The following HMBOX1 variants were observed in gnomAD, a reference collection of about 807,000 sequenced individuals.
The protein encoded by HMBOX1 is homeobox-containing protein 1.
In HMBOX1, 14 loss-of-function variants were observed where a neutral mutation model predicts 54.5. The observed-to-expected ratio is 0.26, with a 90% CI of 0.17 to 0.40. The LOEUF (loss-of-function observed/expected upper bound fraction) is 0.40, where lower values mean the gene tolerates loss of function less well. HMBOX1 is among the 10% of genes least tolerant of loss of function. HMBOX1 has a pLI of 1.00. For synonymous variants in HMBOX1, 160 were observed against 181.0 expected, an observed-to-expected ratio of 0.88 and a Z score of 0.93; for missense variants, 332 against 514.4, an observed-to-expected ratio of 0.65 and a Z score of 3.43.
At chr8:29,016,015 A>G (rs1360835285) in intron 5 of HMBOX1, among the ~76,000 whole-genome samples, 1 of 152,272 alleles carries the variant, frequency 6.6e-6, no homozygotes, top group Non-Finnish European at 1.5e-5. Flanking sequence ...AGAAATGTTA[A>G]GTAGTTAAAT....
intron 6 of HMBOX1, among the ~76,000 whole-genome samples, chr8:29,019,421 T>A (rs1170499988): frequency 6.6e-6 from 1 of 152,130 alleles, no homozygotes; most frequent in Non-Finnish European, 1.5e-5. Flanking sequence ...GTTTTTTTTT[T>A]AACCTGAATT....
At chr8:28,978,965 G>A (rs1008194550) in intron 3 of HMBOX1, among the ~76,000 whole-genome samples, 22 of 152,250 alleles carry the variant, frequency 1.4e-4, no homozygotes, top group East Asian at 3.9e-4. Flanking sequence ...ATAATATTTT[G>A]CTTAGTATGT....
chr8:28,931,737 C>T (rs1321116537), intron 1 of HMBOX1, among the ~76,000 whole-genome samples: 2 of 152,102 alleles, frequency 1.3e-5, no homozygotes, highest in East Asian at 3.9e-4. Context: ...GATGGGACCT[C>T]CCTATGTTGC....
chr8:28,994,574 C>T (rs1401569689), intron 4 of HMBOX1, among the ~76,000 whole-genome samples: 1 of 152,058 alleles, frequency 6.6e-6, no homozygotes, highest in Non-Finnish European at 1.5e-5. Context: ...ATAGGAAAGG[C>T]TTTCCTAAGC....
intron 6 of HMBOX1, among the ~76,000 whole-genome samples, chr8:29,029,750 C>G (rs1367131674): frequency 1.3e-5 from 2 of 152,218 alleles, no homozygotes; most frequent in East Asian, 3.8e-4. Flanking sequence ...TAATTCTACT[C>G]ATTGAACTTC....
intron 6 of HMBOX1, among the ~76,000 whole-genome samples, chr8:29,020,977 C>T (rs1213015073): frequency 2.0e-5 from 3 of 152,110 alleles, no homozygotes. Flanking sequence ...GAGTTTGAGA[C>T]CAGCCTGGGC....
At chr8:28,956,336 A>C (rs1161396711) in intron 1 of HMBOX1, among the ~76,000 whole-genome samples, 1 of 151,388 alleles carries the variant, frequency 6.6e-6, no homozygotes, top group East Asian at 1.9e-4. Context: ...TTTTCTTCAT[A>C]ATAGGAAATT....
intron 2 of HMBOX1, among the ~76,000 whole-genome samples, chr8:28,969,447 G>T (rs1025677052): frequency 5.3e-5 from 8 of 151,946 alleles, no homozygotes; most frequent in Non-Finnish European, 1.0e-4. Flanking sequence ...GCTAAGTAGT[G>T]AATGAAATGG....
intron 1 of HMBOX1, among the ~76,000 whole-genome samples, chr8:28,960,084 T>G (rs181827008): frequency 2.0e-5 from 3 of 152,174 alleles, no homozygotes; most frequent in East Asian, 3.9e-4. Flanking sequence ...CATTTGGACT[T>G]ACTTATGCCT....
intron 3 of HMBOX1, among the ~76,000 whole-genome samples, chr8:28,973,846 G>A (rs527854404): frequency 4.0e-5 from 3 of 75,060 alleles, no homozygotes; most frequent in African/African-American, 5.0e-5. Context: ...AGACAGTCTC[G>A]CTCTGTCACC....
At chr8:28,920,283 A>G (rs561147008) in intron 1 of HMBOX1, among the ~76,000 whole-genome samples, 2 of 152,184 alleles carry the variant, frequency 1.3e-5, no homozygotes, top group Non-Finnish European at 2.9e-5. Flanking sequence ...TTGAGTTCCT[A>G]CTATAAACAA....
At chr8:28,932,138 A>T (rs1043933919) in intron 1 of HMBOX1, among the ~76,000 whole-genome samples, 1 of 152,234 alleles carries the variant, frequency 6.6e-6, no homozygotes, top group Non-Finnish European at 1.5e-5. Flanking sequence ...TATTTTAGGC[A>T]GAATGAACAG....
chr8:29,037,271 G>A (rs998114902), intron 6 of HMBOX1, among the ~76,000 whole-genome samples: 2 of 152,136 alleles, frequency 1.3e-5, no homozygotes, highest in South Asian at 2.1e-4. Flanking sequence ...ACCTCAGTGT[G>A]TTTGCAAAAC....
intron 6 of HMBOX1, among the ~76,000 whole-genome samples, chr8:29,041,980 A>T (rs1226885269): frequency 1.3e-5 from 2 of 152,168 alleles, no homozygotes; most frequent in Non-Finnish European, 2.9e-5. Flanking sequence ...AATGAGGTGC[A>T]CTGGCCAAAG....
At chr8:29,038,648 T>C (rs1438260666) in intron 6 of HMBOX1, among the ~76,000 whole-genome samples, 1 of 152,140 alleles carries the variant, frequency 6.6e-6, no homozygotes, top group Non-Finnish European at 1.5e-5. Context: ...ATGCATTTTA[T>C]CACCATTCCA....
At chr8:29,028,142 C>T (rs1350889046) in intron 6 of HMBOX1, among the ~76,000 whole-genome samples, 1 of 152,082 alleles carries the variant, frequency 6.6e-6, no homozygotes, top group East Asian at 1.9e-4. Flanking sequence ...AAAATTTTAG[C>T]TTGAGAGTAT....
Position 29,018,804 on chromosome 8 carries a change from C to G in HMBOX1, c.742C>G (p.Pro248Ala), listed in dbSNP as rs764669920. 1.1e-5 allele frequency: 17 copies of G among 1,613,994 alleles called. No homozygotes were observed. Among genetic ancestry groups the G allele is most frequent in the East Asian group, 2.2e-5 (1 of 44,896 alleles). Reference protein sequence around the residue: ...MRPAPIPIEDPEWRQTPPPVS... With the variant: ...MRPAPIPIEDAEWRQTPPPVS... ...ACCAGCCCCCATTCCAATAGAGGACCCTGAATGGAGACAAACGCCTCCCCC... is the reference window on the plus strand; with the variant it reads ...ACCAGCCCCCATTCCAATAGAGGACGCTGAATGGAGACAAACGCCTCCCCC... The change falls in exon 6 of 10, where the codon CCT (proline) becomes GCT (alanine). Residue 248 changes from proline to alanine, a missense_variant. Around this residue, in one of 4 missense-constraint regions of HMBOX1, gnomAD observed 117 missense variants for 220.0 expected, o/e 0.53. Coordinates refer to ENST00000287701, the MANE Select transcript of HMBOX1 (RefSeq NM_001135726.3).
intron 5 of HMBOX1, among the ~76,000 whole-genome samples, chr8:29,017,710 A>G (rs923155963): frequency 6.6e-6 from 1 of 152,176 alleles, no homozygotes; most frequent in Non-Finnish European, 1.5e-5. Context: ...ATTGATTAAC[A>G]TTTTGGACAT....
intron 1 of HMBOX1, among the ~76,000 whole-genome samples, chr8:28,948,331 T>G (rs762168272): frequency 6.6e-6 from 1 of 152,176 alleles, no homozygotes; most frequent in Non-Finnish European, 1.5e-5. Context: ...ATGCAACAGG[T>G]GCTTAGTAAA....
Sources: gnomAD v4.1 joint callset for allele counts (sites outside exome capture counted in the v4.1 genomes callset) on GRCh38, gnomAD v4.1.1 for gene constraint, gnomAD v4.1.1 regional missense constraint, MANE v1.5 for transcripts, NCBI Gene and HGNC (gene_info 2026-07-23, HGNC 2026-07-21) for gene names.